Variants in VPS36 observed in about 807,000 individuals in gnomAD.
VPS36 encodes the protein vacuolar protein sorting 36 homolog.
Under a neutral mutation model 63.5 loss-of-function variants are expected in VPS36, and 31 were observed. The ratio of observed to expected loss-of-function variants is 0.49; its 90% CI spans 0.37 to 0.66. The LOEUF is 0.66. Ranked by LOEUF, VPS36 falls within the 30% of genes least tolerant of loss-of-function variation. The pLI is 0.00. For synonymous variants in VPS36, 138 were observed against 157.2 expected (o/e 0.88, Z 0.91); for missense variants, 338 against 463.7 (o/e 0.73, Z 2.49).
chr13:52,434,309 A>G (rs1369221316), intron 5 of VPS36, among the ~76,000 whole-genome samples: 1 of 152,216 alleles, frequency 6.6e-6, no homozygotes, highest in Non-Finnish European at 1.5e-5. Flanking sequence ...ATTTATGTTT[A>G]CTAAGCGTCT....
At chr13:52,427,608 A>G (rs1184216792) in intron 6 of VPS36, among the ~76,000 whole-genome samples, 2 of 132,462 alleles carry the variant, frequency 1.5e-5, no homozygotes, top group Non-Finnish European at 3.3e-5. Context: ...TTCTGTCTCA[A>G]AAAAAAAAAA....
chr13:52,449,790 T>C (rs959785561), intron 1 of VPS36: 9 of 372,334 alleles, frequency 2.4e-5, no homozygotes, highest in Non-Finnish European at 3.3e-5. Flanking sequence ...CTTCTAAGAT[T>C]TATGCTTGCA....
chr13:52,426,599 G>A (rs559069831), intron 8 of VPS36, among the ~76,000 whole-genome samples: 1 of 152,298 alleles, frequency 6.6e-6, no homozygotes, highest in East Asian at 1.9e-4. Context: ...CAGGCTGGGC[G>A]TGGTGGTTCA....
intron 2 of VPS36, among the ~76,000 whole-genome samples, chr13:52,441,772 T>A (rs1377594587): frequency 1.3e-4 from 20 of 151,498 alleles, no homozygotes; most frequent in Admixed American, 1.3e-3. Flanking sequence ...GGGGGATGCG[T>A]GGGGGACTCC....
intron 1 of VPS36, among the ~76,000 whole-genome samples, chr13:52,445,939 CAAAAAAAAAA>C (rs34529458): frequency 7.2e-4 from 11 of 15,364 alleles, no homozygotes; most frequent in East Asian, 2.7e-3. Flanking sequence ...GACTCTATCT[CAAAAAAAAAA>C]AAAAAAAAAA....
At chr13:52,417,215 T>G in intron 11 of VPS36, 74 bp from the exon 12 acceptor site, 2 of 1,290,654 alleles carry the variant, frequency 1.5e-6, no homozygotes, top group Non-Finnish European at 2.2e-6. Context: ...AGGACATCTT[T>G]TATACCTTCT....
intron 12 of VPS36, 102 bp from the exon 13 acceptor site, chr13:52,416,195 C>T: frequency 3.7e-6 from 4 of 1,085,848 alleles, no homozygotes; most frequent in Admixed American, 5.0e-5. Context: ...CCAGTATATG[C>T]AAGAAATAAT....
chr13:52,414,525 G>C lies in VPS36; in HGVS notation c.*1305C>G, dbSNP rs1156604243. The C allele has an allele frequency of 6.6e-6, 1 of 152,276 alleles. No individual in the cohort carries two copies. The highest frequency in any genetic ancestry group is 1.5e-5 in the Non-Finnish European group (1 of 68,100). 9.4% of individuals were successfully genotyped at this position (152,276 alleles called of 1,614,324 possible). ...TGGGATCCCCTGGGTCTGCAGCTGA[G>C]GGTCCCTGGCACTTCCCAGAGGGCA... On this transcript the variant is annotated 3_prime_UTR_variant, in exon 14 of 14. Coordinates refer to ENST00000378060, the MANE Select transcript of VPS36 (RefSeq NM_016075.4).
intron 1 of VPS36, among the ~76,000 whole-genome samples, chr13:52,442,657 A>C (rs1438671373): frequency 1.3e-5 from 2 of 152,224 alleles, no homozygotes; most frequent in African/African-American, 4.8e-5. Context: ...TGCAAACAAC[A>C]ACCAGGTATG....
At chr13:52,426,127 C>A in intron 8 of VPS36, 61 bp from the exon 9 acceptor site, 2 of 1,584,972 alleles carry the variant, frequency 1.3e-6, no homozygotes, top group South Asian at 1.1e-5. Context: ...TGAAATTCTT[C>A]CATCACAAAT....
At chr13:52,429,946 G>C (rs546274310) in intron 6 of VPS36, among the ~76,000 whole-genome samples, 10 of 152,126 alleles carry the variant, frequency 6.6e-5, no homozygotes, top group Non-Finnish European at 1.2e-4. Context: ...TTAGAGAACA[G>C]TGCCTAAAAT....
intron 6 of VPS36, among the ~76,000 whole-genome samples, chr13:52,431,434 G>A (rs1049958988): frequency 6.6e-6 from 1 of 152,118 alleles, no homozygotes; most frequent in Non-Finnish European, 1.5e-5. Context: ...TTACTAGCAG[G>A]CAGATTGTGG....
At chr13:52,416,725 G>A (rs1957996367) in intron 12 of VPS36, among the ~76,000 whole-genome samples, 1 of 152,144 alleles carries the variant, frequency 6.6e-6, no homozygotes, top group African/African-American at 2.4e-5. Flanking sequence ...GGTGTTACTG[G>A]AAGACAAAGT....
At chr13:52,420,668 T>C (rs1958037391) in intron 10 of VPS36, among the ~76,000 whole-genome samples, 1 of 152,048 alleles carries the variant, frequency 6.6e-6, no homozygotes, top group Non-Finnish European at 1.5e-5. Context: ...AAAAGTGGAA[T>C]TGGAATGTTC....
intron 1 of VPS36, among the ~76,000 whole-genome samples, chr13:52,442,966 T>C (rs772439221): frequency 5.3e-5 from 8 of 152,224 alleles, no homozygotes; most frequent in Non-Finnish European, 8.8e-5. Context: ...TGATTGAATT[T>C]CTTTGCAATT....
At chr13:52,439,728 G>C (rs991879142) in intron 2 of VPS36, among the ~76,000 whole-genome samples, 3 of 152,042 alleles carry the variant, frequency 2.0e-5, no homozygotes, top group Non-Finnish European at 4.4e-5. Context: ...TTACAGGCGT[G>C]AGCCACCGCA....
At position 52,450,261 on chromosome 13, in the gene VPS36, G is replaced by A. The variant is rs912040542; in HGVS notation, c.96+238C>T. The A allele has an allele frequency of 5.3e-6, 6 of 1,131,286 alleles. No homozygotes were observed. The African/African-American group carries it at 9.8e-5, about 19-fold the overall frequency. 70.1% of individuals were successfully genotyped at this position (1,131,286 alleles called of 1,614,324 possible). A position where few individuals can be genotyped will look rare whatever the true frequency, so the allele number is the denominator to read the frequency against. On this transcript the variant is annotated intron_variant, in intron 1 of 13. Transcript: ENST00000378060. ...AGCGGCCGCGATCCGCGCCTGCTGGGAACCGTGCCAAAGTTGGGACCCGCG... is the reference window on the plus strand; with the variant it reads ...AGCGGCCGCGATCCGCGCCTGCTGGAAACCGTGCCAAAGTTGGGACCCGCG...
At chr13:52,446,595 A>G (rs1434617988) in intron 1 of VPS36, among the ~76,000 whole-genome samples, 1 of 152,158 alleles carries the variant, frequency 6.6e-6, no homozygotes, top group Non-Finnish European at 1.5e-5. Context: ...CACTCACTGA[A>G]AAGTTCTTAA....
chr13:52,441,174 G>A (rs1488404364), intron 2 of VPS36, among the ~76,000 whole-genome samples: 1 of 152,134 alleles, frequency 6.6e-6, no homozygotes, highest in African/African-American at 2.4e-5. Context: ...ATTATCAACA[G>A]GGGCAATATC....
Sources: allele counts gnomAD v4.1 joint callset (sites outside exome capture counted in the v4.1 genomes callset), GRCh38; gene constraint gnomAD v4.1.1; transcripts MANE v1.5; gene names NCBI Gene and HGNC (gene_info 2026-07-23, HGNC 2026-07-21).